The following FGFR2 variants were observed in gnomAD, a reference collection of about 807,000 sequenced individuals.
FGFR2 encodes fibroblast growth factor receptor 2.
A neutral mutation model predicts 95.9 loss-of-function variants in FGFR2; 19 were observed. The observed-to-expected ratio is 0.20, with a 90% CI of 0.14 to 0.29. The LOEUF (loss-of-function observed/expected upper bound fraction) is 0.29, where lower values mean the gene tolerates loss of function less well. Ranked by LOEUF, FGFR2 falls within the 10% of genes least tolerant of loss-of-function variation. The probability of loss-of-function intolerance (pLI) is 1.00; values close to 1 mark genes in which losing one functional copy is unlikely to be tolerated. For missense variants in FGFR2, 707 were observed against 1,056.9 expected, an observed-to-expected ratio of 0.67 and a Z score of 4.59; for synonymous variants, 392 against 393.3, an observed-to-expected ratio of 1.00 and a Z score of 0.04.
At chr10:121,523,515 C>T (rs1314065326) in intron 6 of FGFR2, among the ~76,000 whole-genome samples, 1 of 152,196 alleles carries the variant, frequency 6.6e-6, no homozygotes, top group African/African-American at 2.4e-5. Context: ...CTCTCCTCCC[C>T]AGGCCTCCTA....
chr10:121,586,039 A>G (rs905160208), intron 2 of FGFR2, among the ~76,000 whole-genome samples: 8 of 152,214 alleles, frequency 5.3e-5, no homozygotes, highest in Non-Finnish European at 1.0e-4. Flanking sequence ...CACCCCCCTG[A>G]GCACATACAC....
intron 13 of FGFR2, among the ~76,000 whole-genome samples, chr10:121,495,603 T>C (rs919753243): frequency 2.6e-5 from 4 of 152,174 alleles, no homozygotes; most frequent in African/African-American, 9.7e-5. Flanking sequence ...CCCTCGAATC[T>C]CTGCACTCTG....
intron 4 of FGFR2, among the ~76,000 whole-genome samples, chr10:121,554,733 A>G (rs1192662231): frequency 1.3e-5 from 2 of 152,042 alleles, no homozygotes; most frequent in Admixed American, 6.6e-5. Flanking sequence ...GTGAACCTTG[A>G]ATCTGTAAGA....
intron 2 of FGFR2, among the ~76,000 whole-genome samples, chr10:121,589,099 C>T (rs1045652470): frequency 6.6e-6 from 1 of 152,190 alleles, no homozygotes; most frequent in African/African-American, 2.4e-5. Context: ...TGGCGAGAAT[C>T]GGACCAGTAC....
At position 121,593,801 on chromosome 10, in the gene FGFR2, C is replaced by T. The variant is rs3750819; in HGVS notation, c.17G>A (p.Arg6His). The stretch of plus-strand genomic sequence containing the variant: ...GGTGACCACGACCAGGCAGATGAAA[C>T]GACCCCAGCTGACCATGGTTACGGT... MVSWG[R>H]FICLVVVTMA... The change falls in exon 2 of 18, where the codon CGT becomes CAT. Residue 6 changes from arginine (R) to histidine (H), a missense_variant. Physicochemically the swap from Arg to His is conservative, Grantham distance 29. Around this residue, in one of 7 missense-constraint regions of FGFR2, gnomAD observed 178 missense variants for 194.1 expected, o/e 0.92. Transcript: ENST00000358487. The T allele has an allele frequency of 1.4e-5, 23 of 1,614,154 alleles. No homozygotes were observed. Among genetic ancestry groups the T allele is most frequent in the Non-Finnish European group, 1.9e-5 (22 of 1,180,028 alleles).
chr10:121,479,624 C>A lies in FGFR2; in HGVS notation c.*233G>T. 1 of 1,551,778 alleles carries A rather than the reference C, an allele frequency of 6.4e-7. No homozygotes were observed. Among genetic ancestry groups the A allele is most frequent in the Non-Finnish European group, 8.7e-7 (1 of 1,147,014 alleles). On this transcript the variant is annotated 3_prime_UTR_variant, in exon 18 of 18. Coordinates refer to ENST00000358487, the MANE Select transcript of FGFR2 (RefSeq NM_000141.5). ...TACGCACGGCAGGTGAGAGGGGTTA[C>A]ATGGTGGCTTGTGGCAGTCCACTGC...
chr10:121,541,343 G>A (rs1793973997), intron 5 of FGFR2, among the ~76,000 whole-genome samples: 1 of 152,128 alleles, frequency 6.6e-6, no homozygotes, highest in Non-Finnish European at 1.5e-5. Flanking sequence ...TGGGACTGCT[G>A]GACACTTTTG....
chr10:121,565,327 C>T (rs1857516926), intron 3 of FGFR2, 111 bp downstream of exon 3: 2 of 1,372,938 alleles, frequency 1.5e-6, no homozygotes, highest in Admixed American at 3.4e-5. Flanking sequence ...AACTATGAAG[C>T]TGTATGCCTG....
In FGFR2 at chr10:121,523,177, G is replaced by T. The variant is rs74160622; in HGVS notation, c.749-3008C>A. ...TATGTTTTCACATTATAAAGATAAG[G>T]ATACTGGAGCCGCAAAGAAATCATT... is the stretch of plus-strand genomic sequence containing the variant. On this transcript the variant is annotated intron_variant, in intron 6 of 17. Coordinates refer to ENST00000358487, the MANE Select transcript of FGFR2 (RefSeq NM_000141.5). 7.8e-3 allele frequency among the ~76,000 whole-genome samples: 1,190 copies of T among 152,288 alleles called. 15 individuals are homozygous for T. Among genetic ancestry groups the T allele is most frequent in the African/African-American group, 0.025 (1,053 of 41,540 alleles).
At chr10:121,586,475 CT>C (rs1327946316) in intron 2 of FGFR2, among the ~76,000 whole-genome samples, 5 of 152,204 alleles carry the variant, frequency 3.3e-5, no homozygotes, top group African/African-American at 1.2e-4. Context: ...GCTTAGCCCC[CT>C]GACTTGGTAC....
rs878954276 is a variant in FGFR2 at position 121,496,430 on chromosome 10, C to T, written c.1863+102G>A. 2.0e-5 allele frequency: 22 copies of T among 1,114,232 alleles called. No homozygotes were observed. In the South Asian group the frequency reaches 2.0e-4, roughly 10 times the overall value. The allele number at this position is 1,114,232 out of a possible 1,614,324, so 69.0% of individuals were successfully genotyped here. On this transcript the variant is annotated intron_variant, in intron 13 of 17. Transcript: ENST00000358487. ...TATTTTCCAGGTTGTACAAGACATG[C>T]GAGGGCTTGATCTAGCAAATGAGCA...
At chr10:121,514,618 T>G (rs1333376627) in intron 9 of FGFR2, among the ~76,000 whole-genome samples, 3 of 152,186 alleles carry the variant, frequency 2.0e-5, no homozygotes, top group African/African-American at 7.2e-5. Context: ...GTGCAACAGT[T>G]TAAATCAAAC....
chr10:121,495,965 C>G (rs1343614626), intron 13 of FGFR2, among the ~76,000 whole-genome samples: 1 of 152,198 alleles, frequency 6.6e-6, no homozygotes, highest in Admixed American at 6.5e-5. Context: ...GCCTGGAATG[C>G]AGGCAGTCCA....
At chr10:121,559,103 CAA>C (rs1219788967) in intron 4 of FGFR2, among the ~76,000 whole-genome samples, 35 of 97,654 alleles carry the variant, frequency 3.6e-4, no homozygotes, top group African/African-American at 1.1e-3. Context: ...TGTCTCAATC[CAA>C]AAGGAGAAAA....
intron 10 of FGFR2, among the ~76,000 whole-genome samples, chr10:121,501,157 A>C (rs986752797): frequency 6.6e-6 from 1 of 152,220 alleles, no homozygotes; most frequent in African/African-American, 2.4e-5. Flanking sequence ...AACGGCTATT[A>C]AATTTCACAT....
At chr10:121,593,348 C>A (rs966313797) in intron 2 of FGFR2, among the ~76,000 whole-genome samples, 3 of 152,198 alleles carry the variant, frequency 2.0e-5, no homozygotes, top group African/African-American at 7.2e-5. Flanking sequence ...CAATTCTTTA[C>A]ATTGTAAGCA....
chr10:121,556,735 G>A (rs971348040), intron 4 of FGFR2, among the ~76,000 whole-genome samples: 56 of 152,270 alleles, frequency 3.7e-4, no homozygotes, highest in African/African-American at 1.2e-3. Flanking sequence ...ACCAATGACT[G>A]CCAACTGTAT....
At chr10:121,577,178 T>TATATATAGAGAGAGAG in intron 2 of FGFR2, among the ~76,000 whole-genome samples, 34 of 5,210 alleles carry the variant, frequency 6.5e-3, no homozygotes, top group Non-Finnish European at 8.3e-3. Flanking sequence ...TATATATATA[T>TATATATAGAGAGAGAG]AGAGAGAGAG....
rs1848280001 is a variant in FGFR2, at chr10:121,506,371, A to AAC, written c.1288-2431_1288-2430insGT. ...AGACTCCGTCTCAAAAAAAAAAAAA[A>AAC]AAAAAGAGGCCTAGCAATGGGACGA... On this transcript the variant is annotated intron_variant, in intron 9 of 17. Coordinates refer to ENST00000358487, the MANE Select transcript of FGFR2 (RefSeq NM_000141.5). Among the ~76,000 whole-genome samples the AAC allele has an allele frequency of 1.3e-5, 2 of 151,004 alleles. 1 individual carries two copies. The highest frequency in any genetic ancestry group is 4.9e-5 in the African/African-American group (2 of 41,096).
Sources: allele counts gnomAD v4.1 joint callset (sites outside exome capture counted in the v4.1 genomes callset), GRCh38; gene constraint gnomAD v4.1.1; regional missense constraint gnomAD v4.1.1; transcripts MANE v1.5; gene names NCBI Gene and HGNC (gene_info 2026-07-23, HGNC 2026-07-21).